Variants in PAK5 observed in about 807,000 individuals in gnomAD.
PAK5 encodes serine/threonine-protein kinase PAK 5.
A neutral mutation model predicts 65.9 loss-of-function variants in PAK5; 16 were observed. The observed-to-expected ratio is 0.24, with a 90% CI of 0.16 to 0.37. PAK5 has a LOEUF of 0.37. PAK5 is among the 10% of genes least tolerant of loss of function. PAK5 has a pLI of 1.00. For synonymous variants in PAK5, 371 were observed against 354.9 expected, an observed-to-expected ratio of 1.05 and a Z score of -0.51; for missense variants, 785 against 903.9, an observed-to-expected ratio of 0.87 and a Z score of 1.69.
At chr20:9,608,498 C>T (rs538370206) in intron 3 of PAK5, among the ~76,000 whole-genome samples, 5 of 152,320 alleles carry the variant, frequency 3.3e-5, no homozygotes, top group South Asian at 2.1e-4. Context: ...GGCAAGTAAT[C>T]CTCCATTGTC....
intron 1 of PAK5, among the ~76,000 whole-genome samples, chr20:9,758,982 G>T (rs189579772): frequency 3.3e-5 from 5 of 152,152 alleles, no homozygotes; most frequent in Non-Finnish European, 7.4e-5. Flanking sequence ...CTCCAAAGGG[G>T]ACAGAACCCC....
chr20:9,568,145 G>A (rs961327148), intron 4 of PAK5, among the ~76,000 whole-genome samples: 4 of 152,190 alleles, frequency 2.6e-5, no homozygotes, highest in African/African-American at 9.7e-5. Flanking sequence ...TCCGAGTGAG[G>A]TGGGAAGCAC....
chr20:9,814,798 G>A (rs1044624245), intron 1 of PAK5, among the ~76,000 whole-genome samples: 1 of 152,140 alleles, frequency 6.6e-6, no homozygotes, highest in Non-Finnish European at 1.5e-5. Flanking sequence ...ACACGAGGGT[G>A]GACACCTGGA....
intron 1 of PAK5, among the ~76,000 whole-genome samples, chr20:9,752,172 C>T (rs1445989168): frequency 6.6e-6 from 1 of 152,016 alleles, no homozygotes; most frequent in East Asian, 1.9e-4. Flanking sequence ...AGAAATAAAT[C>T]ATATGAAAAG....
At chr20:9,562,804 A>G (rs771974370) in intron 6 of PAK5, 87 bp downstream of exon 6, 13 of 1,266,742 alleles carry the variant, frequency 1.0e-5, no homozygotes, top group Non-Finnish European at 1.4e-5. Context: ...AGTGCCTGCA[A>G]TTTATGAAGA....
chr20:9,720,601 G>A lies in PAK5; in HGVS notation c.-161-9166C>T, dbSNP rs150942307. ...TGTGATAATAGCAATTCCACTCCCA[G>A]GTATATACCCCAAAAAACTGAAAAC... On this transcript the variant is annotated intron_variant, in intron 1 of 9. Transcript: ENST00000353224. Among the ~76,000 whole-genome samples, 4 of 151,984 alleles carry A rather than the reference G, an allele frequency of 2.6e-5. 1 individual carries two copies. The highest frequency in any genetic ancestry group is 9.7e-5 in the African/African-American group (4 of 41,418).
intron 2 of PAK5, among the ~76,000 whole-genome samples, chr20:9,683,900 G>A (rs891326073): frequency 1.3e-5 from 2 of 152,156 alleles, no homozygotes; most frequent in South Asian, 2.1e-4. Context: ...TGAATGTAGT[G>A]CATTTACTTG....
At chr20:9,817,815 C>T (rs1361745120) in intron 1 of PAK5, among the ~76,000 whole-genome samples, 1 of 152,142 alleles carries the variant, frequency 6.6e-6, no homozygotes, top group Non-Finnish European at 1.5e-5. Context: ...TGCACACACT[C>T]TATGATTTAT....
At chr20:9,813,305 T>A (rs6141045) in intron 1 of PAK5, among the ~76,000 whole-genome samples, 17,823 of 151,412 alleles carry the variant, frequency 0.12, 1,250 homozygotes, top group South Asian at 0.25. Context: ...GACAGATATG[T>A]TCATTAGCTT....
At chr20:9,570,388 T>C (rs1272735917) in intron 4 of PAK5, among the ~76,000 whole-genome samples, 1 of 152,208 alleles carries the variant, frequency 6.6e-6, no homozygotes, top group African/African-American at 2.4e-5. Context: ...TATTGAACAA[T>C]GTATAGTTAA....
intron 1 of PAK5, among the ~76,000 whole-genome samples, chr20:9,743,235 T>G (rs75367185): frequency 6.6e-6 from 1 of 151,926 alleles, no homozygotes; most frequent in African/African-American, 2.4e-5. Flanking sequence ...CCAGGCATGG[T>G]CTTGAACACC....
chr20:9,556,442 T>C (rs1449463389), intron 7 of PAK5, among the ~76,000 whole-genome samples: 1 of 152,240 alleles, frequency 6.6e-6, no homozygotes, highest in African/African-American at 2.4e-5. Context: ...TGATCATTCC[T>C]GGGCAATTTC....
At position 9,591,127 on chromosome 20, in the gene PAK5, T is replaced by C. The variant is rs112505561; in HGVS notation, c.205-10197A>G. On this transcript the variant is annotated intron_variant, in intron 3 of 9. Coordinates refer to ENST00000353224, the MANE Select transcript of PAK5 (RefSeq NM_177990.4). ...GATGATTAGAAGTATTTTTCCAATATATAATAATCATAATATGACTCCAAG... is the reference window on the plus strand; with the variant it reads ...GATGATTAGAAGTATTTTTCCAATACATAATAATCATAATATGACTCCAAG... Among the ~76,000 whole-genome samples the C allele has an allele frequency of 3.3e-5, 5 of 152,298 alleles. 1 individual carries two copies. Among genetic ancestry groups the C allele is most frequent in the African/African-American group, 1.2e-4 (5 of 41,560 alleles).
At chr20:9,792,908 G>A (rs1304283451) in intron 1 of PAK5, among the ~76,000 whole-genome samples, 3 of 152,096 alleles carry the variant, frequency 2.0e-5, no homozygotes, top group African/African-American at 4.8e-5. Context: ...AAGCGAACAG[G>A]CAGGCAGACA....
rs1434731980 is a variant in PAK5 at position 9,644,303 on chromosome 20, A to G, written c.26T>C (p.Ile9Thr). Residue 9 changes from isoleucine to threonine, a missense_variant, in exon 3 of 10, where the codon ATT becomes ACT. Coordinates refer to ENST00000353224, the MANE Select transcript of PAK5 (RefSeq NM_177990.4). MFGKKKKK[I>T]EISGPSNFEH... ...AAAGTTGGACGGGCCAGATATTTCA[A>G]TCTTTTTCTTTTTCTTCCCAAACAT... The G allele has an allele frequency of 7.5e-6, 12 of 1,609,870 alleles. No individual in the cohort carries two copies. The highest frequency in any genetic ancestry group is 1.0e-5 in the Non-Finnish European group (12 of 1,178,868).
At chr20:9,569,134 T>A (rs1005960136) in intron 4 of PAK5, among the ~76,000 whole-genome samples, 3 of 152,242 alleles carry the variant, frequency 2.0e-5, no homozygotes, top group Non-Finnish European at 4.4e-5. Flanking sequence ...TTAGGGGAAA[T>A]TAGTTGAACA....
In PAK5 at chr20:9,772,821, C is replaced by T. The variant is rs575355746; in HGVS notation, c.-161-61386G>A. 1.5e-4 allele frequency among the ~76,000 whole-genome samples: 23 copies of T among 152,268 alleles called. No individual in the cohort carries two copies. The South Asian group carries it at 3.1e-3, about 21-fold the overall frequency. The stretch of plus-strand genomic sequence containing the variant: ...TATTCTTCTTGGCCCAATAGTCAGG[C>T]AGAATGTTCAGGGAAGGCTGGATGT... On this transcript the variant is annotated intron_variant, in intron 1 of 9. Transcript: ENST00000353224.
At chr20:9,764,583 C>T (rs879568890) in intron 1 of PAK5, among the ~76,000 whole-genome samples, 28 of 152,126 alleles carry the variant, frequency 1.8e-4, no homozygotes, top group African/African-American at 6.0e-4. Context: ...ATTATTACTA[C>T]GGTGATGGTA....
At chr20:9,584,294 T>C (rs2046030471) in intron 3 of PAK5, among the ~76,000 whole-genome samples, 1 of 152,106 alleles carries the variant, frequency 6.6e-6, no homozygotes, top group Non-Finnish European at 1.5e-5. Flanking sequence ...ATCTTCCCTG[T>C]TTACCACTTA....
Sources: allele counts gnomAD v4.1 joint callset (sites outside exome capture counted in the v4.1 genomes callset), GRCh38; gene constraint gnomAD v4.1.1; transcripts MANE v1.5; gene names NCBI Gene and HGNC (gene_info 2026-07-23, HGNC 2026-07-21).